SPIDR: variants seen among roughly 807,000 people sequenced by gnomAD.
SPIDR encodes the protein scaffold protein involved in DNA repair.
Under a neutral mutation model 104.6 loss-of-function variants are expected in SPIDR, and 93 were observed. The observed-to-expected ratio is 0.89, with a 90% CI of 0.75 to 1.06. SPIDR has a LOEUF of 1.06. Ranked by LOEUF, SPIDR falls within the 50% of genes least tolerant of loss-of-function variation. SPIDR has a pLI of 0.00. For missense variants in SPIDR, 1,154 were observed against 1,111.2 expected, an observed-to-expected ratio of 1.04 and a Z score of -0.55; for synonymous variants, 431 against 416.9, an observed-to-expected ratio of 1.03 and a Z score of -0.41.
chr8:47,499,201 A>G lies in SPIDR; in HGVS notation c.1097+58659A>G, dbSNP rs368819221. Among the ~76,000 whole-genome samples, 8 of 152,350 alleles carry G rather than the reference A, an allele frequency of 5.3e-5. No homozygotes were observed. In the East Asian group the frequency reaches 1.5e-3, roughly 29 times the overall value. ...AGCAGAGAAAATATGAAGAGTACGT[A>G]ACACATTGCTTGATGCATGGTTCTT... On this transcript the variant is annotated intron_variant, in intron 8 of 19. Transcript: ENST00000297423.
At chr8:47,513,821 A>G (rs1021574282) in intron 8 of SPIDR, among the ~76,000 whole-genome samples, 7 of 152,194 alleles carry the variant, frequency 4.6e-5, no homozygotes, top group Non-Finnish European at 1.0e-4. Flanking sequence ...TAAAATGGCT[A>G]CAAGTTCTAG....
At position 47,349,344 on chromosome 8, in the gene SPIDR, G is replaced by A. The variant is rs1209821615; in HGVS notation, c.526-47032G>A. On this transcript the variant is annotated intron_variant, in intron 5 of 19. Coordinates refer to ENST00000297423, the MANE Select transcript of SPIDR (RefSeq NM_001080394.4). Reference sequence around the variant, plus strand: ...GCCTGATCCTTCCTCTGGGAGCTTCGTCTCAGAGGGGCACCCGGCTGTATG... The same window carrying A: ...GCCTGATCCTTCCTCTGGGAGCTTCATCTCAGAGGGGCACCCGGCTGTATG... Among the ~76,000 whole-genome samples the A allele has an allele frequency of 3.3e-5, 5 of 152,272 alleles. No homozygotes were observed. In the East Asian group the frequency reaches 9.7e-4, roughly 29 times the overall value.
At chr8:47,735,111 G>GTGTGGGT (rs2086028657) in intron 19 of SPIDR, among the ~76,000 whole-genome samples, 196 bp from the exon 20 acceptor site, 11 of 135,254 alleles carry the variant, frequency 8.1e-5, no homozygotes, top group Non-Finnish European at 1.4e-4. Context: ...TGTGTGTGTG[G>GTGTGGGT]GTGTGTGTGT....
At chr8:47,482,743 C>T (rs531165372) in intron 8 of SPIDR, among the ~76,000 whole-genome samples, 12 of 152,248 alleles carry the variant, frequency 7.9e-5, no homozygotes, top group African/African-American at 1.9e-4. Flanking sequence ...GGGAGGAGGG[C>T]GCAGCTCCTG....
chr8:47,414,697 G>A (rs926107680), intron 7 of SPIDR, among the ~76,000 whole-genome samples: 18 of 152,140 alleles, frequency 1.2e-4, no homozygotes, highest in African/African-American at 3.4e-4. Flanking sequence ...TGGTACGAAT[G>A]TGCCACAGTT....
intron 8 of SPIDR, among the ~76,000 whole-genome samples, chr8:47,445,333 C>G (rs2070359230): frequency 6.6e-6 from 1 of 152,088 alleles, no homozygotes; most frequent in Non-Finnish European, 1.5e-5. Flanking sequence ...TTTGATATCA[C>G]TGTTGTAATT....
intron 6 of SPIDR, 34 bp from the exon 7 acceptor site, chr8:47,407,827 A>G (rs782517691): frequency 5.3e-5 from 73 of 1,365,324 alleles, no homozygotes; most frequent in Non-Finnish European, 7.1e-5. Flanking sequence ...TTTTCCTTTT[A>G]ACTAAACTTA....
chr8:47,673,723 A>G (rs1669922183), intron 10 of SPIDR, 78 bp from the exon 11 acceptor site: 8 of 1,596,194 alleles, frequency 5.0e-6, no homozygotes. Context: ...TGGCTTTATA[A>G]TGAAGAAGAG....
At chr8:47,589,531 A>C (rs1182011550) in intron 8 of SPIDR, among the ~76,000 whole-genome samples, 1 of 149,636 alleles carries the variant, frequency 6.7e-6, no homozygotes, top group Non-Finnish European at 1.5e-5. Context: ...TCTCAAAACA[A>C]AAAAAAAAAA....
At chr8:47,404,162 A>T (rs1299271545) in intron 6 of SPIDR, among the ~76,000 whole-genome samples, 2 of 152,246 alleles carry the variant, frequency 1.3e-5, no homozygotes, top group Non-Finnish European at 2.9e-5. Context: ...AGAAAGCTGA[A>T]ACTGGATCCC....
At position 47,673,792 on chromosome 8, in the gene SPIDR, T is replaced by G. The variant is rs2076086012; in HGVS notation, c.1545-9T>G. 3 of 1,614,112 alleles carry G rather than the reference T, an allele frequency of 1.9e-6. No homozygotes were observed. The highest frequency in any genetic ancestry group is 2.5e-6 in the Non-Finnish European group (3 of 1,180,012). On this transcript the variant is annotated splice_polypyrimidine_tract_variant and intron_variant, in intron 10 of 19. Transcript: ENST00000297423. ...CTCCTCAAAGACAAATGTGAATGGT[T>G]TTTTACAGAGCCTGCCTTCTGGTAC...
At chr8:47,396,666 CTCTT>C (rs1554658834) in intron 6 of SPIDR, 40 bp downstream of exon 6, 15 of 1,541,622 alleles carry the variant, frequency 9.7e-6, no homozygotes, top group Non-Finnish European at 1.3e-5. Context: ...TTAAATTTTT[CTCTT>C]TCTTTAAAAA....
intron 8 of SPIDR, among the ~76,000 whole-genome samples, chr8:47,533,230 A>G (rs1183167800): frequency 6.6e-6 from 1 of 152,172 alleles, no homozygotes; most frequent in African/African-American, 2.4e-5. Context: ...GGAACAAAAT[A>G]ATTTTTACCA....
chr8:47,420,801 G>T (rs1554679727), intron 7 of SPIDR, among the ~76,000 whole-genome samples: 1 of 152,168 alleles, frequency 6.6e-6, no homozygotes, highest in Non-Finnish European at 1.5e-5. Flanking sequence ...CTCTTTTAGG[G>T]CAGGCCTGGT....
chr8:47,412,222 T>C lies in SPIDR; in HGVS notation c.877+4261T>C, dbSNP rs1022719888. Among the ~76,000 whole-genome samples, 12 of 152,348 alleles carry C rather than the reference T, an allele frequency of 7.9e-5. 1 individual carries two copies. In the South Asian group the frequency reaches 2.5e-3, roughly 32 times the overall value. On this transcript the variant is annotated intron_variant, in intron 7 of 19. Transcript: ENST00000297423. ...CATTGGTAGCTTGATGGGGATGGCA[T>C]TGAATCTATAAATTACCTTGGACAG... is the stretch of plus-strand genomic sequence containing the variant.
chr8:47,524,217 C>T (rs905834945), intron 8 of SPIDR, among the ~76,000 whole-genome samples: 2 of 152,020 alleles, frequency 1.3e-5, no homozygotes, highest in Admixed American at 6.6e-5. Context: ...GTAAATCAGG[C>T]GACTCTCCAC....
chr8:47,692,175 G>A (rs2078744646), intron 11 of SPIDR, among the ~76,000 whole-genome samples: 1 of 152,200 alleles, frequency 6.6e-6, no homozygotes, highest in Non-Finnish European at 1.5e-5. Context: ...TGACTGAGAT[G>A]TAATTTACAT....
At chr8:47,500,109 G>A (rs2080140613) in intron 8 of SPIDR, among the ~76,000 whole-genome samples, 1 of 152,144 alleles carries the variant, frequency 6.6e-6, no homozygotes, top group Admixed American at 6.5e-5. Flanking sequence ...ACATACATAT[G>A]CATGTGTCTT....
At chr8:47,485,979 A>T (rs1443038951) in intron 8 of SPIDR, among the ~76,000 whole-genome samples, 1 of 152,240 alleles carries the variant, frequency 6.6e-6, no homozygotes, top group Non-Finnish European at 1.5e-5. Context: ...CCTCGCCAGC[A>T]ACGGAACAAA....
Sources: allele counts gnomAD v4.1 joint callset (sites outside exome capture counted in the v4.1 genomes callset), GRCh38; gene constraint gnomAD v4.1.1; transcripts MANE v1.5; gene names NCBI Gene and HGNC (gene_info 2026-07-23, HGNC 2026-07-21).